The following STIM1 variants were observed in gnomAD, a reference collection of about 807,000 sequenced individuals.
STIM1 encodes stromal interaction molecule 1.
Under a neutral mutation model 74.7 loss-of-function variants are expected in STIM1, and 25 were observed. The observed-to-expected ratio is 0.33, with a 90% CI of 0.24 to 0.47. The LOEUF is 0.47. Ranked by LOEUF, STIM1 falls within the 20% of genes least tolerant of loss-of-function variation. The pLI, the probability that STIM1 is intolerant of heterozygous loss-of-function variation, is 1.00. For synonymous variants in STIM1, 328 were observed against 348.8 expected (o/e 0.94, Z 0.66); for missense variants, 728 against 920.8 (o/e 0.79, Z 2.71).
chr11:4,056,269 A>G (rs929186039), intron 4 of STIM1, among the ~76,000 whole-genome samples: 1 of 151,978 alleles, frequency 6.6e-6, no homozygotes, highest in African/African-American at 2.4e-5. Flanking sequence ...TTGTTTCATA[A>G]CTCTTTGCCT....
At chr11:4,072,020 G>C (rs531387423) in intron 6 of STIM1, among the ~76,000 whole-genome samples, 19 of 152,158 alleles carry the variant, frequency 1.2e-4, no homozygotes, top group Admixed American at 2.6e-4. Flanking sequence ...GCTAACTGCT[G>C]CTGTCTGAGC....
intron 4 of STIM1, 99 bp from the exon 5 acceptor site, chr11:4,059,182 C>T (rs1466882723): frequency 9.4e-7 from 1 of 1,069,196 alleles, no homozygotes; most frequent in Non-Finnish European, 1.4e-6. Context: ...GAGCAATCAC[C>T]AAGAGCTAGA....
chr11:4,009,958 G>T (rs1490230970), intron 2 of STIM1, among the ~76,000 whole-genome samples: 1 of 151,990 alleles, frequency 6.6e-6, no homozygotes, highest in African/African-American at 2.4e-5. Context: ...GACCACAAGT[G>T]CACACCACCA....
At chr11:3,856,578 T>C (rs2090379293) in intron 1 of STIM1, among the ~76,000 whole-genome samples, 169 bp downstream of exon 1, 1 of 152,246 alleles carries the variant, frequency 6.6e-6, no homozygotes, top group Admixed American at 6.5e-5. Flanking sequence ...TCAGTAGTCA[T>C]GGCAAATGCC....
intron 1 of STIM1, among the ~76,000 whole-genome samples, chr11:3,882,644 G>A (rs1486269765): frequency 6.6e-6 from 1 of 152,164 alleles, no homozygotes; most frequent in Non-Finnish European, 1.5e-5. Context: ...TTGAGTACCT[G>A]TTTCCAGTTC....
intron 3 of STIM1, among the ~76,000 whole-genome samples, chr11:4,033,472 G>A (rs904022610): frequency 6.6e-6 from 1 of 152,032 alleles, no homozygotes; most frequent in African/African-American, 2.4e-5. Context: ...TGCCAATAAA[G>A]ACAGTTTTAC....
chr11:4,043,930 G>A (rs554745300), intron 3 of STIM1, among the ~76,000 whole-genome samples: 16 of 152,100 alleles, frequency 1.1e-4, no homozygotes, highest in African/African-American at 3.6e-4. Flanking sequence ...CAGGAGAATC[G>A]CTTGAACCTG....
intron 2 of STIM1, among the ~76,000 whole-genome samples, chr11:4,018,481 A>AC (rs2093923317): frequency 1.3e-5 from 2 of 149,106 alleles, no homozygotes; most frequent in Non-Finnish European, 3.0e-5. Flanking sequence ...AAAAAAAAAA[A>AC]AAAAACAAAC....
chr11:3,918,455 G>C (rs889139064), intron 1 of STIM1, among the ~76,000 whole-genome samples: 4 of 151,686 alleles, frequency 2.6e-5, no homozygotes, highest in Non-Finnish European at 5.9e-5. Flanking sequence ...GACTGAGCTT[G>C]AGCCTGGGAG....
intron 1 of STIM1, among the ~76,000 whole-genome samples, chr11:3,910,817 C>G (rs542314173): frequency 6.7e-4 from 97 of 145,004 alleles, no homozygotes; most frequent in African/African-American, 2.4e-3. Flanking sequence ...CCTGTCTCTA[C>G]TAAAAAAAAA....
intron 5 of STIM1, among the ~76,000 whole-genome samples, chr11:4,062,092 A>G (rs980836253): frequency 4.6e-5 from 7 of 152,228 alleles, no homozygotes; most frequent in East Asian, 3.8e-4. Flanking sequence ...TGAATGTGCT[A>G]TATGCCACTG....
In STIM1 at chr11:3,912,146, C is replaced by T. The variant is rs1170939335; in HGVS notation, c.140-55406C>T. 1.8e-3 allele frequency among the ~76,000 whole-genome samples: 211 copies of T among 116,732 alleles called. 2 individuals carry two copies. The highest frequency in any genetic ancestry group is 6.3e-3 in the African/African-American group (191 of 30,428). 76.6% of individuals were successfully genotyped at this position (116,732 alleles called of 152,430 possible). A position where few individuals can be genotyped will look rare whatever the true frequency, so the allele number is the denominator to read the frequency against. On this transcript the variant is annotated intron_variant, in intron 1 of 12. Coordinates refer to ENST00000526596, the MANE Select transcript of STIM1 (RefSeq NM_001382567.1). The stretch of plus-strand genomic sequence containing the variant: ...AACCTTCTCCCCTCCCATCCCCTCT[C>T]CTCCCCTCCCTTCTCCCCTCCCCTC...
intron 7 of STIM1, among the ~76,000 whole-genome samples, chr11:4,075,171 AAAG>A (rs1314653888): frequency 2.0e-5 from 3 of 152,144 alleles, no homozygotes; most frequent in African/African-American, 7.2e-5. Flanking sequence ...AGAAAGAAAA[AAAG>A]AAAATTATAA....
In STIM1 at chr11:4,091,717, C is replaced by T; in HGVS notation, c.2070C>T (p.Gly690=). The part of the protein sequence containing the change: ...GKKAVAEEDN[G]SIGEETDSSP... ...AGGCTGTGGCTGAGGAGGATAATGG[C>T]TCTATTGGCGAGGAAACAGACTCCA... is the stretch of plus-strand genomic sequence containing the variant. Residue 690 remains glycine (G), a synonymous_variant, in exon 13 of 13, where the codon GGC becomes GGT. Transcript: ENST00000526596. 6.2e-7 allele frequency: 1 copy of T among 1,614,076 alleles called. No homozygotes were observed. The highest frequency in any genetic ancestry group is 8.5e-7 in the Non-Finnish European group (1 of 1,180,042).
At chr11:3,921,346 A>G (rs2092715106) in intron 1 of STIM1, among the ~76,000 whole-genome samples, 1 of 152,212 alleles carries the variant, frequency 6.6e-6, no homozygotes, top group Non-Finnish European at 1.5e-5. Flanking sequence ...ATTAAAAACT[A>G]TTTGTATTCA....
intron 1 of STIM1, among the ~76,000 whole-genome samples, chr11:3,921,245 G>A (rs764364951): frequency 3.3e-5 from 5 of 152,204 alleles, no homozygotes; most frequent in African/African-American, 4.8e-5. Flanking sequence ...TGCCATGATG[G>A]ATTTGATATC....
intron 1 of STIM1, among the ~76,000 whole-genome samples, chr11:3,920,063 G>A (rs1590565646): frequency 6.6e-6 from 1 of 152,054 alleles, no homozygotes; most frequent in East Asian, 1.9e-4. Context: ...GAGTAGCAGA[G>A]CAAGACCCCT....
chr11:4,056,572 T>C lies in STIM1; in HGVS notation c.497+935T>C, dbSNP rs529721025. 3.3e-5 allele frequency among the ~76,000 whole-genome samples: 5 copies of C among 152,298 alleles called. No individual in the cohort carries two copies. In the South Asian group the frequency reaches 1.0e-3, roughly 32 times the overall value. On this transcript the variant is annotated intron_variant, in intron 4 of 12. Coordinates refer to ENST00000526596, the MANE Select transcript of STIM1 (RefSeq NM_001382567.1). The stretch of plus-strand genomic sequence containing the variant: ...TATGTAGGTGCATCTGGTTTTGAGC[T>C]TCAGCAAAGGGGAAAGGGGAAGGTG...
At chr11:3,973,123 C>A in intron 2 of STIM1, 1 of 414,974 alleles carries the variant, frequency 2.4e-6, no homozygotes, top group South Asian at 1.8e-5. Flanking sequence ...TCAGCGTAAC[C>A]AGGGCTGCCC....
Sources: gnomAD v4.1 joint callset for allele counts (sites outside exome capture counted in the v4.1 genomes callset) on GRCh38, gnomAD v4.1.1 for gene constraint, MANE v1.5 for transcripts, NCBI Gene and HGNC (gene_info 2026-07-23, HGNC 2026-07-21) for gene names.